Variants in EIF2AK3 observed in about 807,000 individuals in gnomAD.
EIF2AK3 encodes the protein eukaryotic translation initiation factor 2-alpha kinase 3.
A neutral mutation model predicts 113.5 loss-of-function variants in EIF2AK3; 50 were observed. The ratio of observed to expected loss-of-function variants is 0.44; its 90% CI spans 0.35 to 0.56. The LOEUF is 0.56. Ranked by LOEUF, EIF2AK3 falls within the 20% of genes least tolerant of loss-of-function variation. The pLI, the probability that EIF2AK3 is intolerant of heterozygous loss-of-function variation, is 0.00. For missense variants in EIF2AK3, 1,185 were observed against 1,378.0 expected, an observed-to-expected ratio of 0.86 and a Z score of 2.22; for synonymous variants, 448 against 495.4, an observed-to-expected ratio of 0.90 and a Z score of 1.27.
chr2:88,574,451 C>CAACATTAT, intron 13 of EIF2AK3: 1 of 600,080 alleles, frequency 1.7e-6, no homozygotes, highest in Non-Finnish European at 2.9e-6. Flanking sequence ...AAACACATTA[C>CAACATTAT]TGAAGACAAT....
chr2:88,588,631 C>T, intron 7 of EIF2AK3, 130 bp downstream of exon 7: 1 of 925,086 alleles, frequency 1.1e-6, no homozygotes, highest in Non-Finnish European at 1.6e-6. Context: ...GAAATACCAT[C>T]ATGGTTTATC....
chr2:88,584,308 G>C (rs1259559419), intron 9 of EIF2AK3, among the ~76,000 whole-genome samples: 1 of 152,044 alleles, frequency 6.6e-6, no homozygotes, highest in Non-Finnish European at 1.5e-5. Context: ...CTTGAGGCCA[G>C]GAGTTCCAGA....
intron 15 of EIF2AK3, among the ~76,000 whole-genome samples, chr2:88,561,729 C>T (rs1199507848): frequency 2.6e-5 from 4 of 152,064 alleles, no homozygotes; most frequent in Non-Finnish European, 4.4e-5. Context: ...CATAGTGGCA[C>T]GTGCCTGTGG....
chr2:88,573,903 G>A (rs1056039938), intron 13 of EIF2AK3, among the ~76,000 whole-genome samples: 9 of 152,196 alleles, frequency 5.9e-5, no homozygotes, highest in African/African-American at 1.9e-4. Context: ...ACATCTACTG[G>A]TGATGGCTAA....
At chr2:88,569,275 CAAGGA>C (rs1674226354) in intron 14 of EIF2AK3, among the ~76,000 whole-genome samples, 1 of 150,378 alleles carries the variant, frequency 6.6e-6, no homozygotes, top group South Asian at 2.1e-4. Context: ...GGCTGAGGTT[CAAGGA>C]TGGCTTGCGG....
chr2:88,587,338 G>A (rs1049428849), intron 8 of EIF2AK3, among the ~76,000 whole-genome samples: 3 of 150,498 alleles, frequency 2.0e-5, no homozygotes, highest in Admixed American at 6.6e-5. Flanking sequence ...AGTCGTCTAC[G>A]TGTTTACCTG....
intron 2 of EIF2AK3, among the ~76,000 whole-genome samples, chr2:88,608,639 T>C (rs1424505188): frequency 6.6e-6 from 1 of 151,972 alleles, no homozygotes; most frequent in East Asian, 1.9e-4. Context: ...CAGATGCATT[T>C]TGAAGGTAGT....
intron 1 of EIF2AK3, 149 bp downstream of exon 1, chr2:88,626,817 TG>T: frequency 9.0e-7 from 1 of 1,109,790 alleles, no homozygotes; most frequent in Non-Finnish European, 1.2e-6. Context: ...GAGGGCGTCG[TG>T]GCCCCGCGCT....
intron 2 of EIF2AK3, among the ~76,000 whole-genome samples, chr2:88,599,480 T>C (rs542094972): frequency 6.6e-6 from 1 of 151,866 alleles, no homozygotes; most frequent in African/African-American, 2.4e-5. Flanking sequence ...CGATATGATC[T>C]TCTATTTTGA....
rs755614237 is a variant in EIF2AK3 at position 88,595,505 on chromosome 2, A to T, written c.597T>A (p.Ser199=). 1.2e-5 allele frequency: 20 copies of T among 1,614,040 alleles called. No individual in the cohort carries two copies. The Admixed American group carries it at 3.3e-4, about 27-fold the overall frequency. ...ATGCACTGAGTCCATATGTAGTCAG[A>T]GATTTTCCTCCAACCAAAACAACAT... ...GDDVVLVGGK[S]LTTYGLSAYS... is the part of the protein sequence containing the mutation. The change falls in exon 3 of 17, where the codon TCT becomes TCA. Residue 199 remains serine (S), a synonymous_variant. Coordinates refer to ENST00000303236, the MANE Select transcript of EIF2AK3 (RefSeq NM_004836.7).
intron 1 of EIF2AK3, among the ~76,000 whole-genome samples, chr2:88,617,698 A>G (rs1311169979): frequency 1.3e-5 from 2 of 151,516 alleles, no homozygotes; most frequent in African/African-American, 4.9e-5. Context: ...CAGAGGTTGC[A>G]GTGAGCCAAG....
chr2:88,617,491 G>A (rs1000830497), intron 1 of EIF2AK3, among the ~76,000 whole-genome samples: 2 of 152,076 alleles, frequency 1.3e-5, no homozygotes, highest in African/African-American at 2.4e-5. Flanking sequence ...AGTACTGGCC[G>A]GGGGTGAGTT....
chr2:88,589,659 A>ATACATATATG (rs1406676087), intron 6 of EIF2AK3, among the ~76,000 whole-genome samples: 1 of 149,538 alleles, frequency 6.7e-6, no homozygotes, highest in Non-Finnish European at 1.5e-5. Flanking sequence ...TATATATGTA[A>ATACATATATG]TACATATATG....
In EIF2AK3 at chr2:88,604,660, G is replaced by A. The variant is rs184184585; in HGVS notation, c.439-8997C>T. 1.1e-3 allele frequency among the ~76,000 whole-genome samples: 162 copies of A among 152,296 alleles called. 3 individuals are homozygous for A. The highest frequency in any genetic ancestry group is 5.6e-3 in the Admixed American group (86 of 15,300). ...TCCTGGGCAGTGCACAATTCTGCAC[G>A]CCTCCCTCCTGCAATCCCGCAATGC... On this transcript the variant is annotated intron_variant, in intron 2 of 16. Transcript: ENST00000303236.
At chr2:88,570,648 T>C (rs2104402796) in intron 14 of EIF2AK3, among the ~76,000 whole-genome samples, 1 of 152,026 alleles carries the variant, frequency 6.6e-6, no homozygotes, top group South Asian at 2.1e-4. Flanking sequence ...GTTCAGGGGG[T>C]GAGTGCATTT....
At chr2:88,613,919 G>T in intron 1 of EIF2AK3, 66 bp from the exon 2 acceptor site, 3 of 1,470,662 alleles carry the variant, frequency 2.0e-6, no homozygotes, top group Non-Finnish European at 1.9e-6. Flanking sequence ...TATCCCACAT[G>T]CTCAAAAGAA....
At chr2:88,564,315 C>T (rs1437803718) in intron 14 of EIF2AK3, among the ~76,000 whole-genome samples, 1 of 152,158 alleles carries the variant, frequency 6.6e-6, no homozygotes, top group African/African-American at 2.4e-5. Context: ...ACAATTCATA[C>T]AGCCCAAATA....
intron 12 of EIF2AK3, among the ~76,000 whole-genome samples, chr2:88,575,774 C>T (rs1040536045): frequency 2.6e-5 from 4 of 152,194 alleles, no homozygotes; most frequent in Admixed American, 6.5e-5. Flanking sequence ...AAAAGGGCAG[C>T]GCCTCACAAG....
rs1158541478 is a variant in EIF2AK3, at chr2:88,570,905, A to G, written c.2954T>C (p.Val985Ala). ...MPAYARHTGQ[V>A]GTKLYMSPEQ... ...TGGGCTCATATACAGTTTGGTCCCTACTTGTCCTGTGTGTCTGGCATAAGC... is the reference window on the plus strand; with the variant it reads ...TGGGCTCATATACAGTTTGGTCCCTGCTTGTCCTGTGTGTCTGGCATAAGC... Residue 985 changes from valine to alanine, a missense_variant, in exon 14 of 17, where the codon GTA (valine) becomes GCA (alanine). By Grantham distance (64) the Val-to-Ala change is moderately conservative. This residue lies in a region of EIF2AK3 where 877 missense variants were observed against 1,024.2 expected (regional missense o/e 0.86). Transcript: ENST00000303236. The G allele has an allele frequency of 9.3e-6, 15 of 1,614,026 alleles. No individual in the cohort carries two copies. The highest frequency in any genetic ancestry group is 1.2e-5 in the Non-Finnish European group (14 of 1,180,026).
Sources: gnomAD v4.1 joint callset for allele counts (sites outside exome capture counted in the v4.1 genomes callset) on GRCh38, gnomAD v4.1.1 for gene constraint, gnomAD v4.1.1 regional missense constraint, MANE v1.5 for transcripts, NCBI Gene and HGNC (gene_info 2026-07-23, HGNC 2026-07-21) for gene names.